SAMM50: variants seen among roughly 807,000 people sequenced by gnomAD.
SAMM50 encodes SAMM50 sorting and assembly machinery component.
A neutral mutation model predicts 66.9 loss-of-function variants in SAMM50; 47 were observed. The observed-to-expected ratio is 0.70, with a 90% CI of 0.56 to 0.90. The LOEUF (loss-of-function observed/expected upper bound fraction) is 0.90. Ranked by LOEUF, SAMM50 falls within the 40% of genes least tolerant of loss-of-function variation. The pLI is 0.00. For missense variants in SAMM50, 535 were observed against 595.3 expected, an observed-to-expected ratio of 0.90 and a Z score of 1.05; for synonymous variants, 191 against 214.1, an observed-to-expected ratio of 0.89 and a Z score of 0.94.
chr22:43,972,703 C>T (rs567488623), intron 5 of SAMM50, among the ~76,000 whole-genome samples, 168 bp from the exon 6 acceptor site: 1 of 152,254 alleles, frequency 6.6e-6, no homozygotes, highest in Admixed American at 6.5e-5. Context: ...CACTCAGCAG[C>T]GGCATGTTTT....
At position 43,977,290 on chromosome 22, in the gene SAMM50, G is replaced by A. The variant is rs375173103; in HGVS notation, c.849+469G>A. ...TCTTTGGGTTGCCCTCTTGTTGGAG[G>A]CAGGGGGATAGTTCTTTACTGTAAG... On this transcript the variant is annotated intron_variant, in intron 9 of 14. Coordinates refer to ENST00000350028, the MANE Select transcript of SAMM50 (RefSeq NM_015380.5). Among the ~76,000 whole-genome samples, 5 of 152,320 alleles carry A rather than the reference G, an allele frequency of 3.3e-5. No homozygotes were observed. The South Asian group carries it at 1.0e-3, about 32-fold the overall frequency.
chr22:43,959,018 C>CTTTT (rs11337908), intron 1 of SAMM50, among the ~76,000 whole-genome samples: 1 of 112,660 alleles, frequency 8.9e-6, no homozygotes, highest in Non-Finnish European at 1.8e-5. Flanking sequence ...TTTCAGTTTT[C>CTTTT]TTTTTTTTTT....
At chr22:43,970,340 C>A (rs1316179908) in intron 4 of SAMM50, among the ~76,000 whole-genome samples, 1 of 152,080 alleles carries the variant, frequency 6.6e-6, no homozygotes, top group Non-Finnish European at 1.5e-5. Flanking sequence ...CTGAAGTCAC[C>A]CTGGGCTGGT....
At position 43,976,035 on chromosome 22, in the gene SAMM50, G is replaced by C. The variant is rs2050229660; in HGVS notation, c.649-20G>C. On this transcript the variant is annotated intron_variant, in intron 7 of 14. Transcript: ENST00000350028. Reference sequence around the variant, plus strand: ...CTAAGTATGTGTGGTCCGGAAAGATGTCTGATCTCCATGTTGCAGTTTCCC... The same window carrying C: ...CTAAGTATGTGTGGTCCGGAAAGATCTCTGATCTCCATGTTGCAGTTTCCC... 1 of 1,600,612 alleles carries C rather than the reference G, an allele frequency of 6.2e-7. No individual in the cohort carries two copies. Among genetic ancestry groups the C allele is most frequent in the African/African-American group, 1.3e-5 (1 of 74,866 alleles).
chr22:43,980,903 G>A (rs1052184551), intron 10 of SAMM50, among the ~76,000 whole-genome samples: 2 of 152,228 alleles, frequency 1.3e-5, no homozygotes, highest in African/African-American at 2.4e-5. Context: ...TAAGAGACAA[G>A]GCTCTGTCCT....
At chr22:43,958,720 A>C (rs1277458462) in intron 1 of SAMM50, among the ~76,000 whole-genome samples, 1 of 151,444 alleles carries the variant, frequency 6.6e-6, no homozygotes, top group Non-Finnish European at 1.5e-5. Context: ...CTTGTGATCC[A>C]CCCGCCTCAG....
At chr22:43,993,202 T>G (rs1005053956) in intron 14 of SAMM50, among the ~76,000 whole-genome samples, 5 of 152,084 alleles carry the variant, frequency 3.3e-5, no homozygotes, top group African/African-American at 1.2e-4. Flanking sequence ...TGGAGGGGCG[T>G]TGGAGCGAGG....
At chr22:43,962,867 G>A (rs1432995747) in intron 1 of SAMM50, among the ~76,000 whole-genome samples, 2 of 120,972 alleles carry the variant, frequency 1.7e-5, no homozygotes, top group Admixed American at 8.9e-5. Flanking sequence ...ATTTGTGCGT[G>A]ACCCTTTTGG....
In SAMM50 at chr22:43,996,522, A is replaced by C. The variant is rs2050356307; in HGVS notation, c.*139A>C. The C allele has an allele frequency of 5.8e-6, 5 of 857,990 alleles. No individual in the cohort carries two copies. In the South Asian group the frequency reaches 6.9e-5, roughly 12 times the overall value. 53.1% of individuals were successfully genotyped at this position (857,990 alleles called of 1,614,324 possible). On this transcript the variant is annotated 3_prime_UTR_variant, in exon 15 of 15. Transcript: ENST00000350028. ...GAAACCCCGTCAATAAATGTTAAAG[A>C]CACACTCCGAGGCAGCGTGGATGTG...
intron 1 of SAMM50, among the ~76,000 whole-genome samples, chr22:43,961,868 C>A (rs955124097): frequency 2.0e-5 from 3 of 151,928 alleles, no homozygotes; most frequent in Non-Finnish European, 4.4e-5. Flanking sequence ...CAGGTGTGAC[C>A]CACCATACTT....
At position 43,963,303 on chromosome 22, in the gene SAMM50, A is replaced by T. The variant is rs777159871; in HGVS notation, c.39A>T (p.Pro13=). 6.2e-7 allele frequency: 1 copy of T among 1,610,540 alleles called. No homozygotes were observed. Among genetic ancestry groups the T allele is most frequent in the Non-Finnish European group, 8.5e-7 (1 of 1,178,906 alleles). The part of the protein sequence containing the change: ...TVHARSLEPL[P]SSGPDFGGLG... The stretch of plus-strand genomic sequence containing the variant: ...CCTTTCAGAGTTTGGAGCCTCTTCC[A>T]TCAAGTGGACCTGATTTTGGAGGAT... The change falls in exon 2 of 15, where the codon CCA becomes CCT. Residue 13 remains proline, a synonymous_variant. Coordinates refer to ENST00000350028, the MANE Select transcript of SAMM50 (RefSeq NM_015380.5).
intron 1 of SAMM50, among the ~76,000 whole-genome samples, chr22:43,959,013 GT>G: frequency 7.6e-6 from 1 of 131,494 alleles, no homozygotes. Flanking sequence ...TATATTTTCA[GT>G]TTTCTTTTTT....
chr22:43,976,607 C>CA lies in SAMM50; in HGVS notation c.778-142dup, dbSNP rs766431724. 785 of 672,764 alleles carry CA rather than the reference C, an allele frequency of 1.2e-3. 10 individuals are homozygous for CA. Among genetic ancestry groups the CA allele is most frequent in the Non-Finnish European group, 9.3e-5 (35 of 375,082 alleles). 41.7% of individuals were successfully genotyped at this position (672,764 alleles called of 1,614,324 possible). ...TATGTAAGATAGGGACAGTCACCCT[C>CA]ACTTCCTCCAAGGGCTCTGTGAACA... On this transcript the variant is annotated intron_variant, in intron 8 of 14. Coordinates refer to ENST00000350028, the MANE Select transcript of SAMM50 (RefSeq NM_015380.5).
chr22:43,976,116 G>A lies in SAMM50; in HGVS notation c.710G>A (p.Cys237Tyr). 1 of 1,612,582 alleles carries A rather than the reference G, an allele frequency of 6.2e-7. No individual in the cohort carries two copies. The highest frequency in any genetic ancestry group is 8.5e-7 in the Non-Finnish European group (1 of 1,178,604). Reference protein sequence around the residue: ...KWEGVWRELGCLSRTASFAVR... With the variant: ...KWEGVWRELGYLSRTASFAVR... ...GAAGGCGTATGGCGAGAACTGGGCT[G>A]CCTCTCAAGGACGGCGTCATTTGCT... Residue 237 changes from cysteine (C) to tyrosine (Y), a missense_variant, in exon 8 of 15, where the codon TGC becomes TAC. Transcript: ENST00000350028.
At position 43,955,442 on chromosome 22, in the gene SAMM50, A is replaced by C. The variant is rs1237467458; in HGVS notation, c.-136A>C. 7 of 994,584 alleles carry C rather than the reference A, an allele frequency of 7.0e-6. No homozygotes were observed. In the African/African-American group the frequency reaches 9.7e-5, roughly 14 times the overall value. The allele number at this position is 994,584 out of a possible 1,614,324, so 61.6% of individuals were successfully genotyped here. ...AAGGCGGGGAATCATGGCCGCCCCCAGTGTTCCGCGTCCGGGGGTTTGTGG... is the reference window on the plus strand; with the variant it reads ...AAGGCGGGGAATCATGGCCGCCCCCCGTGTTCCGCGTCCGGGGGTTTGTGG... On this transcript the variant is annotated 5_prime_UTR_variant, in exon 1 of 15. Coordinates refer to ENST00000350028, the MANE Select transcript of SAMM50 (RefSeq NM_015380.5).
chr22:43,972,437 A>G lies in SAMM50; in HGVS notation c.429+95A>G, dbSNP rs2050208677. 7.5e-6 allele frequency: 5 copies of G among 670,906 alleles called. No homozygotes were observed. In the South Asian group the frequency reaches 1.4e-4, roughly 19 times the overall value. 41.6% of individuals were successfully genotyped at this position (670,906 alleles called of 1,614,324 possible). A position where few individuals can be genotyped will look rare whatever the true frequency, so the allele number is the denominator to read the frequency against. On this transcript the variant is annotated intron_variant, in intron 5 of 14. Coordinates refer to ENST00000350028, the MANE Select transcript of SAMM50 (RefSeq NM_015380.5). Reference sequence around the variant, plus strand: ...TCTAAAAGCTGATGATAGTTTCAAAATTCGGTCATTTCATTTACCTTAATC... The same window carrying G: ...TCTAAAAGCTGATGATAGTTTCAAAGTTCGGTCATTTCATTTACCTTAATC...
At chr22:43,970,052 A>G (rs1327332311) in intron 4 of SAMM50, among the ~76,000 whole-genome samples, 1 of 152,226 alleles carries the variant, frequency 6.6e-6, no homozygotes, top group African/African-American at 2.4e-5. Flanking sequence ...TAGATAAACT[A>G]AGGACATTTT....
Position 43,983,826 on chromosome 22 carries a change from A to T in SAMM50, c.1008-107A>T, listed in dbSNP as rs2050276547. The T allele has an allele frequency of 4.1e-6, 3 of 737,812 alleles. No individual in the cohort carries two copies. The South Asian group carries it at 5.9e-5, about 14-fold the overall frequency. The allele number at this position is 737,812 out of a possible 1,614,324, so 45.7% of individuals were successfully genotyped here. A position where few individuals can be genotyped will look rare whatever the true frequency, so the allele number is the denominator to read the frequency against. On this transcript the variant is annotated intron_variant, in intron 11 of 14. Transcript: ENST00000350028. The surrounding 1 kb of genome is among the most constrained non-coding windows in gnomAD (Gnocchi z 4.2). ...TTTGCCTTGTAAAAATGCTGTCGATAATCTAGTATCGAATGTGAGTCTGAC... is the reference window on the plus strand; with the variant it reads ...TTTGCCTTGTAAAAATGCTGTCGATTATCTAGTATCGAATGTGAGTCTGAC...
intron 14 of SAMM50, among the ~76,000 whole-genome samples, chr22:43,992,014 G>C (rs543846545): frequency 6.6e-6 from 1 of 151,752 alleles, no homozygotes; most frequent in Non-Finnish European, 1.5e-5. Flanking sequence ...TGTTCATACT[G>C]TCTCTTATTT....
Sources: gnomAD v4.1 joint callset for allele counts (sites outside exome capture counted in the v4.1 genomes callset) on GRCh38, gnomAD v4.1.1 for gene constraint, Gnocchi (gnomAD v3.1) non-coding constraint, MANE v1.5 for transcripts, NCBI Gene and HGNC (gene_info 2026-07-23, HGNC 2026-07-21) for gene names.